TENM4: variants seen among roughly 807,000 people sequenced by gnomAD.
TENM4 encodes teneurin-4.
Under a neutral mutation model 243.3 loss-of-function variants are expected in TENM4, and 82 were observed. The ratio of observed to expected loss-of-function variants is 0.34; its 90% CI spans 0.28 to 0.40. The LOEUF (loss-of-function observed/expected upper bound fraction) is 0.40, where lower values mean the gene tolerates loss of function less well. TENM4 is among the 10% of genes least tolerant of loss of function. TENM4 has a pLI of 1.00. For synonymous variants in TENM4, 1,412 were observed against 1,456.3 expected, an observed-to-expected ratio of 0.97 and a Z score of 0.69; for missense variants, 3,138 against 3,673.3, an observed-to-expected ratio of 0.85 and a Z score of 3.77.
chr11:79,335,062 T>G (rs1463047772), intron 1 of TENM4, among the ~76,000 whole-genome samples: 2 of 152,250 alleles, frequency 1.3e-5, no homozygotes, highest in Non-Finnish European at 2.9e-5. Flanking sequence ...CAGGCTTGAT[T>G]TTGTTCTTGC....
intron 2 of TENM4, among the ~76,000 whole-genome samples, chr11:79,238,097 T>C (rs1319408545): frequency 6.6e-6 from 1 of 152,182 alleles, no homozygotes; most frequent in African/African-American, 2.4e-5. Flanking sequence ...GTACTAATTA[T>C]GTTATGATAT....
rs146235500 is a variant in TENM4, at chr11:79,271,914, A to G, written c.-265+25574T>C. ...CCCATGCACTGAGCACCTGCTGTGT[A>G]CCAGAGACTATGTCAGCCACACACA... On this transcript the variant is annotated intron_variant, in intron 2 of 33. Transcript: ENST00000278550. Among the ~76,000 whole-genome samples, 19 of 152,334 alleles carry G rather than the reference A, an allele frequency of 1.2e-4. No individual in the cohort carries two copies. The East Asian group carries it at 3.7e-3, about 29-fold the overall frequency.
chr11:79,248,754 G>A (rs1855562275), intron 2 of TENM4, among the ~76,000 whole-genome samples: 1 of 149,752 alleles, frequency 6.7e-6, no homozygotes, highest in Admixed American at 6.6e-5. Context: ...TGCTCGATAT[G>A]GTCAACTTTT....
Position 78,863,046 on chromosome 11 carries a change from G to C in TENM4, c.1171C>G (p.Pro391Ala), listed in dbSNP as rs568236696. ...TATAGGGAGACGTCGGTTGGCACAG[G>C]CCAACTGCTGGCTGTGTCCTCCGTG... The part of the protein sequence containing the change: ...EITEDTASSW[P>A]VPTDVSLYPS... Residue 391 changes from proline (P) to alanine (A), a missense_variant, in exon 10 of 34, where the codon CCT becomes GCT. Transcript: ENST00000278550. 1 of 1,538,336 alleles carries C rather than the reference G, an allele frequency of 6.5e-7. No homozygotes were observed.
rs531331371 is a variant in TENM4, at chr11:79,163,940, T to C, written c.-162-15134A>G. ...TATATATCCATATATATCATATATA[T>C]CTATATAGTACTATATATCTATATA... On this transcript the variant is annotated intron_variant, in intron 3 of 33. Transcript: ENST00000278550. 1.5e-3 allele frequency among the ~76,000 whole-genome samples: 206 copies of C among 141,324 alleles called. 2 individuals carry two copies. Among genetic ancestry groups the C allele is most frequent in the African/African-American group, 4.7e-3 (180 of 38,236 alleles). 92.7% of individuals were successfully genotyped at this position (141,324 alleles called of 152,430 possible). A position where few individuals can be genotyped will look rare whatever the true frequency, so the allele number is the denominator to read the frequency against.
chr11:79,006,897 C>G (rs1858499182), intron 6 of TENM4, among the ~76,000 whole-genome samples: 1 of 152,160 alleles, frequency 6.6e-6, no homozygotes, highest in Non-Finnish European at 1.5e-5. Flanking sequence ...TGTTTTTGAA[C>G]AAGAATAACA....
chr11:78,841,329 T>C (rs949366921), intron 12 of TENM4, among the ~76,000 whole-genome samples: 2 of 152,176 alleles, frequency 1.3e-5, no homozygotes, highest in African/African-American at 4.8e-5. Context: ...CTCTTTATTG[T>C]TATATTGCAC....
At chr11:79,192,142 T>TG (rs543858101) in intron 3 of TENM4, among the ~76,000 whole-genome samples, 5,842 of 114,454 alleles carry the variant, frequency 0.051, 157 homozygotes, top group Middle Eastern at 0.14. Context: ...GGGAGGGAGG[T>TG]GGGGGGGTCA....
chr11:79,183,090 GA>G (rs1268779565), intron 3 of TENM4, among the ~76,000 whole-genome samples: 2 of 152,030 alleles, frequency 1.3e-5, no homozygotes, highest in South Asian at 2.1e-4. Context: ...CTTATGTCCA[GA>G]AAAAAACCAG....
chr11:78,920,885 C>T (rs72945627), intron 6 of TENM4, among the ~76,000 whole-genome samples: 8,473 of 152,242 alleles, frequency 0.056, 285 homozygotes, highest in Middle Eastern at 0.11. Context: ...ATTTTTGTGG[C>T]GGCCAGTCTT....
At chr11:79,144,790 A>G (rs966579635) in intron 4 of TENM4, among the ~76,000 whole-genome samples, 4 of 152,074 alleles carry the variant, frequency 2.6e-5, no homozygotes, top group African/African-American at 9.7e-5. Flanking sequence ...TGGGAAGGGT[A>G]GTGAGCATGG....
At position 79,243,225 on chromosome 11, in the gene TENM4, G is replaced by A. The variant is rs546504067; in HGVS notation, c.-264-27316C>T. Among the ~76,000 whole-genome samples the A allele has an allele frequency of 4.3e-4, 65 of 152,006 alleles. 1 individual carries two copies. Among genetic ancestry groups the A allele is most frequent in the Non-Finnish European group, 7.8e-4 (53 of 68,016 alleles). On this transcript the variant is annotated intron_variant, in intron 2 of 33. Transcript: ENST00000278550. ...AGGGGAGGAGGTGTCTGTGTTTCGG[G>A]GGTCATTTTTAGCACTTTTCAGTCA... is the stretch of plus-strand genomic sequence containing the variant.
At chr11:79,140,998 G>T (rs1862275319) in intron 4 of TENM4, among the ~76,000 whole-genome samples, 1 of 152,016 alleles carries the variant, frequency 6.6e-6, no homozygotes, top group Non-Finnish European at 1.5e-5. Context: ...AAAAGTACCA[G>T]GTTGCCTCCC....
intron 18 of TENM4, among the ~76,000 whole-genome samples, chr11:78,761,701 C>T (rs1159619003): frequency 2.0e-5 from 3 of 152,050 alleles, no homozygotes; most frequent in African/African-American, 7.3e-5. Context: ...TTAGCACACC[C>T]CCCCAGCCCC....
intron 6 of TENM4, among the ~76,000 whole-genome samples, chr11:79,047,533 C>T (rs1859689032): frequency 6.6e-6 from 1 of 152,230 alleles, no homozygotes; most frequent in Admixed American, 6.5e-5. Flanking sequence ...CTTCTGCGGG[C>T]TGTCACAGTC....
At chr11:79,066,311 C>T (rs545848584) in intron 5 of TENM4, among the ~76,000 whole-genome samples, 1 of 152,254 alleles carries the variant, frequency 6.6e-6, no homozygotes, top group Non-Finnish European at 1.5e-5. Context: ...AGGTGGATGG[C>T]CAAGCTTTAA....
At position 78,740,197 on chromosome 11, in the gene TENM4, G is replaced by A. The variant is rs73496578; in HGVS notation, c.2757-1627C>T. Among the ~76,000 whole-genome samples, 359 of 152,238 alleles carry A rather than the reference G, an allele frequency of 2.4e-3. 2 individuals are homozygous for A. Among genetic ancestry groups the A allele is most frequent in the African/African-American group, 8.0e-3 (334 of 41,540 alleles). ...AAAGATCTCAAATTCAGTAACTGCC[G>A]TATGAAGTACCCACACCTCTACCTT... is the stretch of plus-strand genomic sequence containing the variant. On this transcript the variant is annotated intron_variant, in intron 19 of 33. Transcript: ENST00000278550.
At chr11:79,175,436 C>A (rs1018045011) in intron 3 of TENM4, among the ~76,000 whole-genome samples, 1 of 152,108 alleles carries the variant, frequency 6.6e-6, no homozygotes, top group Non-Finnish European at 1.5e-5. Flanking sequence ...AAGGAGGAAA[C>A]AATCTAAATG....
chr11:78,852,028 A>C (rs1334842063), intron 12 of TENM4, among the ~76,000 whole-genome samples: 1 of 152,138 alleles, frequency 6.6e-6, no homozygotes, highest in East Asian at 1.9e-4. Context: ...GCTGCCGCCA[A>C]TCCTGCCAGG....
Sources: gnomAD v4.1 joint callset for allele counts (sites outside exome capture counted in the v4.1 genomes callset) on GRCh38, gnomAD v4.1.1 for gene constraint, MANE v1.5 for transcripts, NCBI Gene and HGNC (gene_info 2026-07-23, HGNC 2026-07-21) for gene names.